CHKA: variants seen among roughly 807,000 people sequenced by gnomAD.
CHKA encodes the protein CHETK-alpha.
A neutral mutation model predicts 60.1 loss-of-function variants in CHKA; 34 were observed. The observed-to-expected ratio is 0.57, with a 90% confidence interval of 0.43 to 0.75. The LOEUF is 0.75. CHKA is among the 30% of genes least tolerant of loss of function. The pLI is 0.00. For synonymous variants in CHKA, 217 were observed against 223.1 expected, an observed-to-expected ratio of 0.97 and a Z score of 0.24; for missense variants, 563 against 561.3, an observed-to-expected ratio of 1.00 and a Z score of -0.03.
chr11:68,054,192 C>T, intron 11 of CHKA, 145 bp from the exon 12 acceptor site: 4 of 661,792 alleles, frequency 6.0e-6, no homozygotes, highest in Non-Finnish European at 8.0e-6. Flanking sequence ...TGCAGCAGGG[C>T]TGCTCGGGGG....
chr11:68,059,232 G>A (rs555871468), intron 11 of CHKA, among the ~76,000 whole-genome samples: 1 of 152,288 alleles, frequency 6.6e-6, no homozygotes, highest in South Asian at 2.1e-4. Flanking sequence ...ATCTGGCTGA[G>A]GAAGATCCCC....
chr11:68,053,734 A>C lies in CHKA; in HGVS notation c.*254T>G, dbSNP rs936131572. On this transcript the variant is annotated 3_prime_UTR_variant, in exon 12 of 12. Coordinates refer to ENST00000265689, the MANE Select transcript of CHKA (RefSeq NM_001277.3). ...GAAATGCCTTCTCTAGATTAAAAGG[A>C]TTCAGAGATGTTGCACTATTGCACT... 18 of 414,260 alleles carry C rather than the reference A, an allele frequency of 4.3e-5. No homozygotes were observed. Among genetic ancestry groups the C allele is most frequent in the Middle Eastern group, 6.2e-4 (1 of 1,608 alleles). The allele number at this position is 414,260 out of a possible 1,614,324, so 25.7% of individuals were successfully genotyped here.
At position 68,121,009 on chromosome 11, in the gene CHKA, G is replaced by A. The variant is rs1255351905; in HGVS notation, c.169C>T (p.Leu57=). 1 of 1,113,142 alleles carries A rather than the reference G, an allele frequency of 9.0e-7. No individual in the cohort carries two copies. Among genetic ancestry groups the A allele is most frequent in the African/African-American group, 1.7e-5 (1 of 60,082 alleles). 69.0% of individuals were successfully genotyped at this position (1,113,142 alleles called of 1,614,324 possible). ...AGCGGCAGCGGCGGCGGAGGGGGCA[G>A]CGCGAGCGGCGGCTGTTGGCCGCCC... ...QLGGQQPPLA[L]PPPPPLPLPL... is the part of the protein sequence containing the mutation. The change falls in exon 1 of 12, where the codon CTG becomes TTG. Residue 57 remains leucine (L), a synonymous_variant. Coordinates refer to ENST00000265689, the MANE Select transcript of CHKA (RefSeq NM_001277.3).
At chr11:68,060,095 CG>C (rs1856175777) in intron 11 of CHKA, among the ~76,000 whole-genome samples, 2 of 146,576 alleles carry the variant, frequency 1.4e-5, no homozygotes, top group Non-Finnish European at 3.0e-5. Flanking sequence ...GGCGTGATCT[CG>C]GCTCACTGCA....
At chr11:68,055,527 G>A (rs1021328542) in intron 11 of CHKA, among the ~76,000 whole-genome samples, 5 of 152,222 alleles carry the variant, frequency 3.3e-5, no homozygotes, top group East Asian at 1.9e-4. Flanking sequence ...ACTGGCTGTC[G>A]CGACTGCATT....
In CHKA at chr11:68,053,894, T is replaced by C. The variant is rs975141389; in HGVS notation, c.*94A>G. The C allele has an allele frequency of 5.9e-6, 6 of 1,023,054 alleles. No individual in the cohort carries two copies. In the African/African-American group the frequency reaches 9.5e-5, roughly 16 times the overall value. The allele number at this position is 1,023,054 out of a possible 1,614,324, so 63.4% of individuals were successfully genotyped here. A position where few individuals can be genotyped will look rare whatever the true frequency, so the allele number is the denominator to read the frequency against. ...CAGTAGTGAGCCACCCAAAGCCTCC[T>C]GCCACAGGAGCAGTAGTCGAAGCAC... On this transcript the variant is annotated 3_prime_UTR_variant, in exon 12 of 12. Coordinates refer to ENST00000265689, the MANE Select transcript of CHKA (RefSeq NM_001277.3).
At chr11:68,054,339 C>T (rs2134475953) in intron 11 of CHKA, among the ~76,000 whole-genome samples, 1 of 152,374 alleles carries the variant, frequency 6.6e-6, no homozygotes, top group East Asian at 1.9e-4. Flanking sequence ...ACATGCTTAG[C>T]ACTGCTACCA....
intron 9 of CHKA, among the ~76,000 whole-genome samples, chr11:68,064,964 G>A (rs879885306): frequency 6.6e-5 from 10 of 152,146 alleles, no homozygotes; most frequent in African/African-American, 1.4e-4. Context: ...CTTCAGCACC[G>A]CTACCAAGGT....
chr11:68,070,955 A>G, intron 4 of CHKA, 98 bp from the exon 5 acceptor site: 1 of 1,242,280 alleles, frequency 8.0e-7, no homozygotes, highest in Non-Finnish European at 1.1e-6. Flanking sequence ...TTTGTAGTGC[A>G]TTTAAGTCTC....
At chr11:68,085,851 C>T (rs1226101914) in intron 2 of CHKA, among the ~76,000 whole-genome samples, 1 of 152,070 alleles carries the variant, frequency 6.6e-6, no homozygotes, top group African/African-American at 2.4e-5. Flanking sequence ...GCAACCTCCA[C>T]CTCCTGGGTT....
At chr11:68,114,410 C>T (rs568962878) in intron 1 of CHKA, among the ~76,000 whole-genome samples, 1 of 152,240 alleles carries the variant, frequency 6.6e-6, no homozygotes, top group South Asian at 2.1e-4. Flanking sequence ...TGAAAAGACA[C>T]AGGGAGGCTG....
intron 9 of CHKA, among the ~76,000 whole-genome samples, chr11:68,065,553 T>C (rs920997977): frequency 1.3e-5 from 2 of 151,726 alleles, no homozygotes; most frequent in African/African-American, 4.8e-5. Context: ...TACAAACAAT[T>C]AGCTGGGCGT....
At chr11:68,120,019 G>A (rs1011077367) in intron 1 of CHKA, among the ~76,000 whole-genome samples, 3 of 151,990 alleles carry the variant, frequency 2.0e-5, no homozygotes, top group Admixed American at 1.3e-4. Context: ...ACCTGAGGTC[G>A]GGAGTTCAAG....
At chr11:68,088,247 G>A (rs1463479698) in intron 2 of CHKA, among the ~76,000 whole-genome samples, 1 of 151,742 alleles carries the variant, frequency 6.6e-6, no homozygotes, top group Non-Finnish European at 1.5e-5. Flanking sequence ...CCTGAGCTGA[G>A]TACTGAAACA....
intron 2 of CHKA, among the ~76,000 whole-genome samples, chr11:68,094,460 G>A (rs981957152): frequency 6.6e-6 from 1 of 152,172 alleles, no homozygotes; most frequent in Non-Finnish European, 1.5e-5. Flanking sequence ...AGGATCACCT[G>A]AGCCCAGGAG....
intron 1 of CHKA, among the ~76,000 whole-genome samples, chr11:68,105,353 A>G (rs988713821): frequency 6.6e-6 from 1 of 151,728 alleles, no homozygotes; most frequent in Admixed American, 6.6e-5. Flanking sequence ...CATCTCTACT[A>G]AAAATACAAA....
intron 1 of CHKA, among the ~76,000 whole-genome samples, chr11:68,109,073 C>CT (rs1046700073): frequency 2.7e-5 from 4 of 149,798 alleles, no homozygotes; most frequent in Non-Finnish European, 4.4e-5. Flanking sequence ...GAAACCTTTC[C>CT]TTTTTTCTTT....
At chr11:68,105,544 A>G (rs1857885163) in intron 1 of CHKA, among the ~76,000 whole-genome samples, 1 of 150,826 alleles carries the variant, frequency 6.6e-6, no homozygotes, top group Admixed American at 6.6e-5. Context: ...AAAAAAAGAA[A>G]AGAAAAAGAA....
At chr11:68,094,085 A>G (rs542097781) in intron 2 of CHKA, among the ~76,000 whole-genome samples, 2 of 152,368 alleles carry the variant, frequency 1.3e-5, no homozygotes, top group South Asian at 4.1e-4. Context: ...GTTAGAAATG[A>G]AAGCCTCATA....
Sources: gnomAD v4.1 joint callset for allele counts (sites outside exome capture counted in the v4.1 genomes callset) on GRCh38, gnomAD v4.1.1 for gene constraint, MANE v1.5 for transcripts, NCBI Gene and HGNC (gene_info 2026-07-23, HGNC 2026-07-21) for gene names.